The following INPP4B variants were observed in gnomAD, a reference collection of about 807,000 sequenced individuals.
INPP4B encodes inositol polyphosphate 4-phosphatase type II.
INPP4B carries 55 observed loss-of-function variants against 122.5 expected under a neutral mutation model. The ratio of observed to expected loss-of-function variants is 0.45; its 90% CI spans 0.36 to 0.56. INPP4B has a LOEUF of 0.56. INPP4B is among the 20% of genes least tolerant of loss of function. The pLI is 0.00. For missense variants in INPP4B, 1,000 were observed against 1,097.7 expected, an observed-to-expected ratio of 0.91 and a Z score of 1.26; for synonymous variants, 403 against 388.7, an observed-to-expected ratio of 1.04 and a Z score of -0.43.
intron 21 of INPP4B, among the ~76,000 whole-genome samples, chr4:142,119,428 A>C (rs1795442702): frequency 6.6e-6 from 1 of 152,184 alleles, no homozygotes; most frequent in South Asian, 2.1e-4. Context: ...TGCATTTAGA[A>C]AATGTGTCAC....
intron 8 of INPP4B, among the ~76,000 whole-genome samples, chr4:142,314,488 A>G (rs1244839002): frequency 2.6e-5 from 4 of 152,178 alleles, no homozygotes; most frequent in Non-Finnish European, 4.4e-5. Context: ...ATCTCTAGCC[A>G]GCTGAACTAA....
chr4:142,464,221 T>G (rs1178576724), intron 2 of INPP4B, among the ~76,000 whole-genome samples: 1 of 152,178 alleles, frequency 6.6e-6, no homozygotes. Context: ...GTTACCTGGT[T>G]CTTTTCTCTA....
At chr4:142,332,845 A>AT (rs1162036814) in intron 7 of INPP4B, among the ~76,000 whole-genome samples, 2 of 148,306 alleles carry the variant, frequency 1.3e-5, no homozygotes, top group African/African-American at 2.6e-5. Context: ...TCTACTAAAA[A>AT]TTAAAAAAAA....
At chr4:142,837,173 A>G (rs1046951179) in intron 1 of INPP4B, among the ~76,000 whole-genome samples, 2 of 151,456 alleles carry the variant, frequency 1.3e-5, no homozygotes, top group African/African-American at 4.9e-5. Context: ...AATAATAATA[A>G]TAATAATAAT....
At chr4:142,058,093 A>G (rs1255196410) in intron 25 of INPP4B, among the ~76,000 whole-genome samples, 1 of 152,142 alleles carries the variant, frequency 6.6e-6, no homozygotes, top group East Asian at 1.9e-4. Flanking sequence ...AATCATATGT[A>G]AAAATACCAT....
At chr4:142,214,297 T>C (rs1846120567) in intron 12 of INPP4B, among the ~76,000 whole-genome samples, 1 of 152,148 alleles carries the variant, frequency 6.6e-6, no homozygotes, top group Admixed American at 6.5e-5. Context: ...TTGCTTTTCC[T>C]AAAGATTCCA....
chr4:142,057,679 A>T (rs76289450), intron 25 of INPP4B, among the ~76,000 whole-genome samples: 2,380 of 152,212 alleles, frequency 0.016, 80 homozygotes, highest in African/African-American at 0.055. Flanking sequence ...AACTGGTACT[A>T]TTCTATTTTC....
At chr4:142,827,320 T>C (rs1396385590) in intron 1 of INPP4B, among the ~76,000 whole-genome samples, 1 of 152,222 alleles carries the variant, frequency 6.6e-6, no homozygotes, top group African/African-American at 2.4e-5. Context: ...CTCTGAATAT[T>C]TGCAGAACTT....
At chr4:142,202,802 G>A (rs1437054526) in intron 14 of INPP4B, 5 of 984,924 alleles carry the variant, frequency 5.1e-6, no homozygotes, top group Non-Finnish European at 6.0e-6. Context: ...GAGAGTGGGC[G>A]GGGCCGTGCT....
At chr4:142,170,251 C>T (rs1046003364) in intron 16 of INPP4B, among the ~76,000 whole-genome samples, 1 of 151,630 alleles carries the variant, frequency 6.6e-6, no homozygotes, top group African/African-American at 2.4e-5. Context: ...TTAATATTTT[C>T]ATGAACTAAT....
At chr4:142,260,896 C>A (rs1739644661) in intron 10 of INPP4B, among the ~76,000 whole-genome samples, 1 of 152,184 alleles carries the variant, frequency 6.6e-6, no homozygotes. Context: ...TTTTGTATTT[C>A]TTTCACCTGA....
intron 1 of INPP4B, among the ~76,000 whole-genome samples, chr4:142,782,462 T>C (rs1210673915): frequency 6.6e-6 from 1 of 151,940 alleles, no homozygotes; most frequent in Non-Finnish European, 1.5e-5. Context: ...TGTGTCTTTA[T>C]AGCAGCATGA....
chr4:142,570,225 T>A lies in INPP4B; in HGVS notation c.-190-107499A>T, dbSNP rs149507795. ...GAGTTTCAATGACATTAATAATATGTTCTCTTGGTAAACAACCATATCCCA... is the reference window on the plus strand; with the variant it reads ...GAGTTTCAATGACATTAATAATATGATCTCTTGGTAAACAACCATATCCCA... On this transcript the variant is annotated intron_variant, in intron 2 of 25. Transcript: ENST00000262992. Among the ~76,000 whole-genome samples the A allele has an allele frequency of 2.2e-3, 341 of 152,226 alleles. 3 individuals carry two copies. The highest frequency in any genetic ancestry group is 7.5e-3 in the African/African-American group (311 of 41,570).
intron 12 of INPP4B, among the ~76,000 whole-genome samples, chr4:142,223,839 C>A (rs190677013): frequency 6.6e-6 from 1 of 152,154 alleles, no homozygotes; most frequent in African/African-American, 2.4e-5. Flanking sequence ...ATCTTTAATG[C>A]ATATTTTTTT....
At chr4:142,724,703 G>A (rs115985869) in intron 2 of INPP4B, among the ~76,000 whole-genome samples, 2,422 of 152,006 alleles carry the variant, frequency 0.016, 31 homozygotes, top group Non-Finnish European at 0.024. Context: ...TTTCTCAAGG[G>A]GTTTATACCT....
chr4:142,408,351 C>T (rs1264836374), intron 5 of INPP4B, among the ~76,000 whole-genome samples: 1 of 151,996 alleles, frequency 6.6e-6, no homozygotes, highest in Admixed American at 6.6e-5. Flanking sequence ...TCAGGAATTC[C>T]AGACCAGCCT....
intron 3 of INPP4B, among the ~76,000 whole-genome samples, chr4:142,431,617 T>C (rs1467615573): frequency 6.6e-6 from 1 of 152,092 alleles, no homozygotes; most frequent in Non-Finnish European, 1.5e-5. Flanking sequence ...ACATGAAAGG[T>C]GTATTATTTA....
chr4:142,295,942 T>C (rs1579637239), intron 9 of INPP4B, among the ~76,000 whole-genome samples: 1 of 152,180 alleles, frequency 6.6e-6, no homozygotes, highest in Non-Finnish European at 1.5e-5. Flanking sequence ...GCAAATCCAA[T>C]ACAAAATTTT....
intron 9 of INPP4B, among the ~76,000 whole-genome samples, chr4:142,304,876 A>G (rs1762767875): frequency 6.6e-6 from 1 of 152,208 alleles, no homozygotes; most frequent in Admixed American, 6.5e-5. Flanking sequence ...CGCTCTTAGT[A>G]ATTAAAATAG....
Sources: allele counts gnomAD v4.1 joint callset (sites outside exome capture counted in the v4.1 genomes callset), GRCh38; gene constraint gnomAD v4.1.1; transcripts MANE v1.5; gene names NCBI Gene and HGNC (gene_info 2026-07-23, HGNC 2026-07-21).